FABP6: variants seen among roughly 807,000 people sequenced by gnomAD.
The protein encoded by FABP6 is gastrotropin.
FABP6 carries 13 observed loss-of-function variants against 14.9 expected under a neutral mutation model. That is an observed-to-expected ratio of 0.87 (90% CI 0.57 to 1.39). The LOEUF (loss-of-function observed/expected upper bound fraction) is 1.39, where lower values mean the gene tolerates loss of function less well. Ranked by LOEUF, FABP6 falls within the 40% of genes most tolerant of loss-of-function variation. The pLI, the probability that FABP6 is intolerant of heterozygous loss-of-function variation, is 0.00. For synonymous variants in FABP6, 75 were observed against 63.6 expected (o/e 1.18, Z -0.85); for missense variants, 161 against 167.2 (o/e 0.96, Z 0.20).
At position 160,216,180 on chromosome 5, in the gene FABP6, T is replaced by C. The variant is rs1299346781; in HGVS notation, c.135+2361T>C. Reference sequence around the variant, plus strand: ...TGAGACAATTTTGTCTTCTGCTGTGTATCTCCATCCCCTAACACATAGCCT... The same window carrying C: ...TGAGACAATTTTGTCTTCTGCTGTGCATCTCCATCCCCTAACACATAGCCT... On this transcript the variant is annotated intron_variant, in intron 3 of 6. Coordinates refer to the FABP6 transcript ENST00000393980. Among the ~76,000 whole-genome samples the C allele has an allele frequency of 2.6e-5, 4 of 152,214 alleles. No individual in the cohort carries two copies. The South Asian group carries it at 8.3e-4, about 32-fold the overall frequency.
chr5:160,206,100 G>T (rs1432690745), intron 2 of FABP6, among the ~76,000 whole-genome samples: 2 of 151,994 alleles, frequency 1.3e-5, no homozygotes, highest in Non-Finnish European at 2.9e-5. Context: ...TATATAGAAA[G>T]TCACAGCTGA....
chr5:160,203,795 G>A (rs1051498349), intron 2 of FABP6, among the ~76,000 whole-genome samples: 26 of 151,468 alleles, frequency 1.7e-4, no homozygotes, highest in African/African-American at 5.1e-4. Context: ...TCCGCCTTCC[G>A]GGTTCAAGCA....
chr5:160,203,576 T>G (rs1340415386), intron 2 of FABP6, among the ~76,000 whole-genome samples: 1 of 152,202 alleles, frequency 6.6e-6, no homozygotes, highest in African/African-American at 2.4e-5. Context: ...TTGCCCAGAC[T>G]GGTCTCAGAC....
Position 160,238,623 on chromosome 5 carries a change from C to T in FABP6, c.351C>T (p.Gly117=), listed in dbSNP as rs764641980. Residue 117 remains glycine (G), a synonymous_variant, in exon 4 of 4, where the codon GGC becomes GGT. Coordinates refer to ENST00000402432, the MANE Select transcript of FABP6 (RefSeq NM_001445.3). ...TCTTTCAGGTCTCCACCATCGGAGG[C>T]GTGACCTATGAGCGCGTGAGCAAGA... ...DKLVEVSTIG[G]VTYERVSKRL... 5.6e-6 allele frequency: 9 copies of T among 1,613,860 alleles called. No individual in the cohort carries two copies. The highest frequency in any genetic ancestry group is 2.2e-5 in the East Asian group (1 of 44,890).
intron 3 of FABP6, among the ~76,000 whole-genome samples, chr5:160,223,951 A>G (rs1350532603): frequency 9.1e-5 from 12 of 131,324 alleles, no homozygotes. Flanking sequence ...AAAAAAAAAA[A>G]ATTGGCCGGG....
chr5:160,198,992 A>G (rs1219978139), intron 1 of FABP6: 2 of 1,034,652 alleles, frequency 1.9e-6, no homozygotes, highest in Non-Finnish European at 3.0e-6. Context: ...AAATGAATGA[A>G]CAATGAGATG....
chr5:160,213,755 C>T (rs1759945966), exon 3 of FABP6: 3 of 1,613,856 alleles, frequency 1.9e-6, no homozygotes, highest in Non-Finnish European at 2.5e-6. Flanking sequence ...GCTGTGTTGT[C>T]TGCGTGCACA....
At chr5:160,205,652 GGAAA>G (rs1219827626) in intron 2 of FABP6, among the ~76,000 whole-genome samples, 1 of 152,198 alleles carries the variant, frequency 6.6e-6, no homozygotes, top group Non-Finnish European at 1.5e-5. Flanking sequence ...AATGACATTT[GGAAA>G]GAAGTTGGCT....
At chr5:160,199,182 G>GGCAGCTT (rs1330024047) in intron 2 of FABP6, 1 of 1,613,622 alleles carries the variant, frequency 6.2e-7, no homozygotes, top group Non-Finnish European at 8.5e-7. Context: ...CTGGAAATAA[G>GGCAGCTT]TCATTTGAGG....
At chr5:160,206,286 C>T (rs915865835) in intron 2 of FABP6, among the ~76,000 whole-genome samples, 7 of 151,944 alleles carry the variant, frequency 4.6e-5, no homozygotes, top group Admixed American at 3.9e-4. Context: ...AAAAAATTAG[C>T]GGGGCATGAT....
intron 2 of FABP6, among the ~76,000 whole-genome samples, chr5:160,210,762 G>GAAA (rs879772031): frequency 9.9e-5 from 15 of 152,160 alleles, no homozygotes; most frequent in Non-Finnish European, 1.8e-4. Flanking sequence ...TATGAGCTTA[G>GAAA]AGCAATAGTA....
At chr5:160,197,921 C>CGTGTGTGTGTGTGTGTGTGT (rs34714032) in intron 1 of FABP6, 2,258 of 126,912 alleles carry the variant, frequency 0.018, 77 homozygotes, top group African/African-American at 0.022. Context: ...AAGGCTGCTT[C>CGTGTGTGTGTGTGTGTGTGT]GTGTGTGTGT....
At chr5:160,223,331 G>T (rs774323222) in intron 3 of FABP6, among the ~76,000 whole-genome samples, 23 of 37,028 alleles carry the variant, frequency 6.2e-4, no homozygotes, top group East Asian at 2.5e-3. Context: ...ATTTTTGCCC[G>T]CCCTTCCTTC....
At chr5:160,204,845 AG>A (rs759946880) in intron 2 of FABP6, 1 of 152,168 alleles carries the variant, frequency 6.6e-6, no homozygotes, top group Non-Finnish European at 1.5e-5. Context: ...AAAGAAGCCA[AG>A]TGCTCAGGGC....
chr5:160,217,637 T>C (rs947233079), intron 3 of FABP6, among the ~76,000 whole-genome samples: 1 of 151,626 alleles, frequency 6.6e-6, no homozygotes, highest in Non-Finnish European at 1.5e-5. Flanking sequence ...TTATTTATTT[T>C]ATTATTATTA....
intron 2 of FABP6, among the ~76,000 whole-genome samples, chr5:160,232,878 CAG>C (rs1216203716): frequency 1.3e-5 from 2 of 150,346 alleles, no homozygotes; most frequent in African/African-American, 4.9e-5. Context: ...GCCTGGGCGA[CAG>C]AGTGAGAGTC....
chr5:160,189,863 A>G (rs951089838), intron 1 of FABP6, among the ~76,000 whole-genome samples: 2 of 152,218 alleles, frequency 1.3e-5, no homozygotes, highest in African/African-American at 4.8e-5. Context: ...GAAGATGTGG[A>G]CTTAGAGATT....
At chr5:160,235,034 C>T (rs1760477548) in intron 3 of FABP6, 125 bp downstream of exon 3, 7 of 665,224 alleles carry the variant, frequency 1.1e-5, no homozygotes, top group Non-Finnish European at 1.7e-5. Context: ...AGGCTCTATG[C>T]TGAGTGCTGG....
chr5:160,221,088 CA>C (rs397884568), intron 3 of FABP6, among the ~76,000 whole-genome samples: 1,117 of 72,738 alleles, frequency 0.015, 4 homozygotes, highest in Middle Eastern at 0.069. Context: ...GACTTTCTCT[CA>C]AAAAAAAAAA....
Sources: allele counts gnomAD v4.1 joint callset (sites outside exome capture counted in the v4.1 genomes callset), GRCh38; gene constraint gnomAD v4.1.1; transcripts MANE v1.5; gene names NCBI Gene and HGNC (gene_info 2026-07-23, HGNC 2026-07-21).